The following GPC5 variants were observed in gnomAD, a reference collection of about 807,000 sequenced individuals.
GPC5 encodes the protein glypican-5.
A neutral mutation model predicts 53.9 loss-of-function variants in GPC5; 47 were observed. The ratio of observed to expected loss-of-function variants is 0.87; its 90% CI spans 0.69 to 1.11. The LOEUF (loss-of-function observed/expected upper bound fraction) is 1.11, where lower values mean the gene tolerates loss of function less well. Ranked by LOEUF, GPC5 falls within the 50% of genes most tolerant of loss-of-function variation. The pLI, the probability that GPC5 is intolerant of heterozygous loss-of-function variation, is 0.00. For synonymous variants in GPC5, 286 were observed against 263.3 expected, an observed-to-expected ratio of 1.09 and a Z score of -0.84; for missense variants, 748 against 713.1, an observed-to-expected ratio of 1.05 and a Z score of -0.56.
At chr13:91,685,720 G>A (rs762845848) in intron 2 of GPC5, among the ~76,000 whole-genome samples, 8 of 152,182 alleles carry the variant, frequency 5.3e-5, no homozygotes, top group African/African-American at 1.9e-4. Context: ...TTGGTTGAAT[G>A]GATGAATGAA....
chr13:91,691,764 G>T (rs2035762465), intron 2 of GPC5, among the ~76,000 whole-genome samples: 1 of 151,964 alleles, frequency 6.6e-6, no homozygotes, highest in African/African-American at 2.4e-5. Context: ...AGCTCTCTCT[G>T]CACCTCTGCA....
chr13:92,804,279 A>G (rs1204019651), intron 7 of GPC5, among the ~76,000 whole-genome samples: 1 of 151,954 alleles, frequency 6.6e-6, no homozygotes, highest in African/African-American at 2.4e-5. Context: ...CAGCATCAGT[A>G]TGTCTGGGTT....
chr13:92,816,297 G>A (rs573763517), intron 7 of GPC5, among the ~76,000 whole-genome samples: 1 of 152,068 alleles, frequency 6.6e-6, no homozygotes, highest in African/African-American at 2.4e-5. Context: ...CTCTGGGTCT[G>A]TTGGTAACCA....
At chr13:91,715,921 A>G (rs749514756) in intron 3 of GPC5, among the ~76,000 whole-genome samples, 1 of 151,884 alleles carries the variant, frequency 6.6e-6, no homozygotes, top group Non-Finnish European at 1.5e-5. Context: ...CTACAGGTGC[A>G]CAGCACCATG....
intron 5 of GPC5, among the ~76,000 whole-genome samples, chr13:91,838,542 A>G (rs2038748522): frequency 6.6e-6 from 1 of 151,924 alleles, no homozygotes; most frequent in African/African-American, 2.4e-5. Flanking sequence ...AATCAAGGAG[A>G]AAAGGGATGA....
chr13:92,270,504 A>G (rs12874185), intron 7 of GPC5, among the ~76,000 whole-genome samples: 48,156 of 152,022 alleles, frequency 0.32, 7,877 homozygotes, highest in Middle Eastern at 0.45. Context: ...CTCAGAAGTC[A>G]GGCAGATGAG....
chr13:92,593,645 C>G (rs9584045), intron 7 of GPC5, among the ~76,000 whole-genome samples: 3,014 of 151,386 alleles, frequency 0.02, 97 homozygotes, highest in African/African-American at 0.057. Context: ...AGAATAGAGC[C>G]CATAAGTACC....
intron 7 of GPC5, among the ~76,000 whole-genome samples, chr13:92,176,839 G>A (rs149085178): frequency 6.6e-6 from 1 of 152,110 alleles, no homozygotes; most frequent in African/African-American, 2.4e-5. Flanking sequence ...GGTATACACT[G>A]CTTCTTTACA....
intron 7 of GPC5, among the ~76,000 whole-genome samples, chr13:92,262,135 C>G (rs957412086): frequency 6.6e-6 from 1 of 152,110 alleles, no homozygotes; most frequent in African/African-American, 2.4e-5. Context: ...TGCCCTTTTC[C>G]TTCCAGTACT....
intron 6 of GPC5, among the ~76,000 whole-genome samples, chr13:92,030,335 C>A (rs1036405037): frequency 5.3e-5 from 8 of 152,100 alleles, no homozygotes; most frequent in African/African-American, 1.9e-4. Context: ...CTGTTAAGTT[C>A]TGTTATGTTC....
intron 7 of GPC5, among the ~76,000 whole-genome samples, chr13:92,284,767 A>G (rs1432574124): frequency 6.6e-6 from 1 of 152,218 alleles, no homozygotes; most frequent in Non-Finnish European, 1.5e-5. Flanking sequence ...TATTTATGAC[A>G]AACTCACAAT....
intron 3 of GPC5, among the ~76,000 whole-genome samples, chr13:91,721,920 T>C: frequency 6.6e-6 from 1 of 152,216 alleles, no homozygotes; most frequent in Non-Finnish European, 1.5e-5. Context: ...CATCAAGACT[T>C]AAAGTTGTCT....
At chr13:91,762,810 T>C (rs1443986011) in intron 5 of GPC5, among the ~76,000 whole-genome samples, 1 of 152,164 alleles carries the variant, frequency 6.6e-6, no homozygotes, top group Non-Finnish European at 1.5e-5. Flanking sequence ...TTCAATTAAA[T>C]CATTTTCTCC....
chr13:92,127,308 T>A (rs1425619873), intron 6 of GPC5, among the ~76,000 whole-genome samples: 2 of 151,766 alleles, frequency 1.3e-5, no homozygotes, highest in African/African-American at 4.8e-5. Flanking sequence ...TATGTATATA[T>A]GTGTATATAT....
chr13:91,411,351 C>T (rs1187872739), intron 1 of GPC5, among the ~76,000 whole-genome samples: 1 of 152,166 alleles, frequency 6.6e-6, no homozygotes, highest in Non-Finnish European at 1.5e-5. Context: ...GGCAAGTCCC[C>T]TATATTGGAG....
intron 2 of GPC5, among the ~76,000 whole-genome samples, chr13:91,476,965 G>A (rs1240902783): frequency 6.6e-6 from 1 of 152,050 alleles, no homozygotes; most frequent in Non-Finnish European, 1.5e-5. Flanking sequence ...AAGCGATGTT[G>A]GACCCCCACA....
At chr13:91,447,908 T>C (rs1880914340) in intron 1 of GPC5, among the ~76,000 whole-genome samples, 1 of 152,036 alleles carries the variant, frequency 6.6e-6, no homozygotes, top group Admixed American at 6.6e-5. Context: ...ATCAGCTCTC[T>C]CCATCAGGGT....
intron 7 of GPC5, among the ~76,000 whole-genome samples, chr13:92,376,697 G>A (rs1259444799): frequency 6.6e-6 from 1 of 152,176 alleles, no homozygotes; most frequent in Non-Finnish European, 1.5e-5. Flanking sequence ...TAGGATTTCT[G>A]ATAAACCTAG....
intron 4 of GPC5, among the ~76,000 whole-genome samples, chr13:91,744,032 A>G (rs554110814): frequency 0.21 from 1,196 of 5,728 alleles, 10 homozygotes; most frequent in South Asian, 0.36. Context: ...TTCTTGTTAT[A>G]TAAGGAACAC....
Sources: gnomAD v4.1 joint callset for allele counts (sites outside exome capture counted in the v4.1 genomes callset) on GRCh38, gnomAD v4.1.1 for gene constraint, MANE v1.5 for transcripts, NCBI Gene and HGNC (gene_info 2026-07-23, HGNC 2026-07-21) for gene names.